ZFYVE9: variants seen among roughly 807,000 people sequenced by gnomAD.
ZFYVE9 encodes zinc finger FYVE domain-containing protein 9.
In ZFYVE9, 43 loss-of-function variants were observed where a neutral mutation model predicts 126.7. That is an observed-to-expected ratio of 0.34 (90% CI 0.27 to 0.44). The LOEUF (loss-of-function observed/expected upper bound fraction) is 0.44, where lower values mean the gene tolerates loss of function less well. Ranked by LOEUF, ZFYVE9 falls within the 20% of genes least tolerant of loss-of-function variation. The pLI is 1.00. For missense variants in ZFYVE9, 1,476 were observed against 1,697.0 expected, an observed-to-expected ratio of 0.87 and a Z score of 2.29; for synonymous variants, 521 against 597.4, an observed-to-expected ratio of 0.87 and a Z score of 1.87.
At chr1:52,143,522 T>C (rs1217585318) in intron 1 of ZFYVE9, among the ~76,000 whole-genome samples, 1 of 152,194 alleles carries the variant, frequency 6.6e-6, no homozygotes, top group Non-Finnish European at 1.5e-5. Context: ...AAAGGTACCA[T>C]GTTGGCTCTT....
Position 52,278,707 on chromosome 1 carries a change from A to G in ZFYVE9, c.2869+93A>G, listed in dbSNP as rs543503196. ...ATTTATTACACACAAGTATTTTTAT[A>G]TAGAGCCACATCTTTTTTTTTTTCT... On this transcript the variant is annotated intron_variant, in intron 9 of 18. Transcript: ENST00000287727. 194 of 834,606 alleles carry G rather than the reference A, an allele frequency of 2.3e-4. No individual in the cohort carries two copies. The Middle Eastern group carries it at 3.7e-3, about 16-fold the overall frequency. The allele number at this position is 834,606 out of a possible 1,614,324, so 51.7% of individuals were successfully genotyped here.
At chr1:52,189,240 T>C (rs1557446840) in intron 1 of ZFYVE9, among the ~76,000 whole-genome samples, 1 of 147,532 alleles carries the variant, frequency 6.8e-6, no homozygotes, top group Non-Finnish European at 1.5e-5. Flanking sequence ...CCCAGCCTAT[T>C]TTTTTTTTTT....
Position 52,182,816 on chromosome 1 carries a change from T to TA in ZFYVE9, c.-142-33543dup, listed in dbSNP as rs923961923. ...CTTTTTTAAATTATAGTATTTCCTT[T>TA]AAAAAAAAAATAAAACCAGCTATTG... On this transcript the variant is annotated intron_variant, in intron 1 of 18. Transcript: ENST00000287727. 5.9e-3 allele frequency among the ~76,000 whole-genome samples: 878 copies of TA among 149,716 alleles called. 4 individuals carry two copies. Among genetic ancestry groups the TA allele is most frequent in the African/African-American group, 0.018 (748 of 40,976 alleles).
chr1:52,181,394 G>C (rs618980), intron 1 of ZFYVE9, among the ~76,000 whole-genome samples: 125,414 of 152,160 alleles, frequency 0.82, 52,981 homozygotes, highest in East Asian at 0.97. Context: ...GCTCAATGGT[G>C]CCCAGGCTGG....
chr1:52,310,513 AG>A (rs1646127920), intron 13 of ZFYVE9, among the ~76,000 whole-genome samples: 1 of 152,150 alleles, frequency 6.6e-6, no homozygotes, highest in Admixed American at 6.5e-5. Context: ...AGGCCAGCCT[AG>A]GCAACATAGC....
chr1:52,169,570 G>A (rs1174694365), intron 1 of ZFYVE9, among the ~76,000 whole-genome samples: 1 of 152,062 alleles, frequency 6.6e-6, no homozygotes, highest in Non-Finnish European at 1.5e-5. Flanking sequence ...TTTACTTGCT[G>A]TTTCATCTCC....
In ZFYVE9 at chr1:52,237,551, ACC is replaced by A. The variant is rs774158339; in HGVS notation, c.135_136del (p.His45GlnfsTer5). On this transcript the variant is annotated frameshift_variant, in exon 4 of 19. Transcript: ENST00000287727. LOFTEE classifies it high-confidence loss of function. ...AATAAGATTCTAGATCCCCCTTCTCACCGGCTGTCATTTAACCCTACTTTGGC... is the reference window on the plus strand; with the variant it reads ...AATAAGATTCTAGATCCCCCTTCTCAGGCTGTCATTTAACCCTACTTTGGC... 3 of 1,613,946 alleles carry A rather than the reference ACC, an allele frequency of 1.9e-6. No homozygotes were observed. The Admixed American group carries it at 5.0e-5, about 27-fold the overall frequency.
intron 4 of ZFYVE9, among the ~76,000 whole-genome samples, chr1:52,245,344 A>G (rs1292430906): frequency 6.6e-6 from 1 of 152,062 alleles, no homozygotes; most frequent in African/African-American, 2.4e-5. Context: ...ATAAAATGAG[A>G]AATGAACAGT....
At chr1:52,338,958 C>T (rs1361931028) in intron 16 of ZFYVE9, among the ~76,000 whole-genome samples, 2 of 151,986 alleles carry the variant, frequency 1.3e-5, no homozygotes, top group Non-Finnish European at 2.9e-5. Context: ...TTCGGTGAGC[C>T]GAGATCATGC....
At chr1:52,261,023 C>A (rs1189489084) in intron 4 of ZFYVE9, among the ~76,000 whole-genome samples, 1 of 152,080 alleles carries the variant, frequency 6.6e-6, no homozygotes, top group Non-Finnish European at 1.5e-5. Context: ...ATTTCCTCTA[C>A]TATTACTGTC....
At chr1:52,162,475 CCTTT>C (rs1201794533) in intron 1 of ZFYVE9, 2 of 252,364 alleles carry the variant, frequency 7.9e-6, no homozygotes, top group African/African-American at 4.5e-5. Flanking sequence ...TCATCCAGCT[CCTTT>C]CTGTTTGCCC....
intron 13 of ZFYVE9, among the ~76,000 whole-genome samples, chr1:52,313,842 A>G (rs977148800): frequency 5.9e-5 from 9 of 152,238 alleles, no homozygotes; most frequent in Admixed American, 3.9e-4. Context: ...AGTATGTTGG[A>G]TGAAATTAAA....
rs1290269033 is a variant in ZFYVE9 at position 52,346,389 on chromosome 1, G to A, written c.*168G>A. On this transcript the variant is annotated 3_prime_UTR_variant, in exon 19 of 19. Transcript: ENST00000287727. ...AGACGGGTGGGAAAGGGTGGTTGGGGGGACCGATGTTCCATAATTCTAAGT... is the reference window on the plus strand; with the variant it reads ...AGACGGGTGGGAAAGGGTGGTTGGGAGGACCGATGTTCCATAATTCTAAGT... 4 of 687,774 alleles carry A rather than the reference G, an allele frequency of 5.8e-6. No homozygotes were observed. The highest frequency in any genetic ancestry group is 4.0e-4 in the Middle Eastern group (1 of 2,492). The allele number at this position is 687,774 out of a possible 1,614,324, so 42.6% of individuals were successfully genotyped here.
chr1:52,237,805 G>A lies in ZFYVE9; in HGVS notation c.388G>A (p.Glu130Lys). 6.2e-7 allele frequency: 1 copy of A among 1,614,108 alleles called. No individual in the cohort carries two copies. The highest frequency in any genetic ancestry group is 8.5e-7 in the Non-Finnish European group (1 of 1,179,966). Reference protein sequence around the residue: ...YSWDDQCSAVEVGEKKCGNLA... With the variant: ...YSWDDQCSAVKVGEKKCGNLA... ...TTGGGATGATCAATGCAGTGCTGTTGAAGTGGGAGAGAAGAAATGTGGAAA... is the reference window on the plus strand; with the variant it reads ...TTGGGATGATCAATGCAGTGCTGTTAAAGTGGGAGAGAAGAAATGTGGAAA... The change falls in exon 4 of 19, where the codon GAA becomes AAA. Residue 130 changes from glutamate to lysine, a missense_variant. By Grantham distance (56) the Glu-to-Lys change is moderately conservative (BLOSUM62 1). Transcript: ENST00000287727.
At chr1:52,240,447 A>G (rs1645321642) in intron 4 of ZFYVE9, among the ~76,000 whole-genome samples, 1 of 152,212 alleles carries the variant, frequency 6.6e-6, no homozygotes, top group Non-Finnish European at 1.5e-5. Flanking sequence ...CTCAGAAGTC[A>G]TAGTGCTCAA....
At chr1:52,181,943 G>T (rs1046314245) in intron 1 of ZFYVE9, among the ~76,000 whole-genome samples, 4 of 151,980 alleles carry the variant, frequency 2.6e-5, no homozygotes, top group Non-Finnish European at 4.4e-5. Context: ...CCCCGTCGGG[G>T]AGGGAGGTGG....
chr1:52,312,451 A>T (rs137888515), intron 13 of ZFYVE9, among the ~76,000 whole-genome samples: 2 of 152,212 alleles, frequency 1.3e-5, no homozygotes, highest in South Asian at 4.1e-4. Flanking sequence ...ATAGTAGTAC[A>T]GTGTCAGGCG....
chr1:52,198,869 C>T (rs761400697), intron 1 of ZFYVE9, among the ~76,000 whole-genome samples: 29 of 152,244 alleles, frequency 1.9e-4, no homozygotes, highest in Middle Eastern at 3.4e-3. Context: ...AGTTTAAGAA[C>T]CTACATGGAT....
intron 3 of ZFYVE9, among the ~76,000 whole-genome samples, chr1:52,237,150 A>G (rs1645280290): frequency 1.3e-5 from 2 of 152,032 alleles, no homozygotes; most frequent in East Asian, 1.9e-4. Context: ...AATTTTTTCC[A>G]TCTAATCCAT....
Sources: allele counts gnomAD v4.1 joint callset (sites outside exome capture counted in the v4.1 genomes callset), GRCh38; gene constraint gnomAD v4.1.1; transcripts MANE v1.5; gene names NCBI Gene and HGNC (gene_info 2026-07-23, HGNC 2026-07-21).